The following PDXDC1 variants were observed in gnomAD, a reference collection of about 807,000 sequenced individuals.
PDXDC1 encodes pyridoxal dependent decarboxylase domain containing 1.
In PDXDC1, 42 loss-of-function variants were observed where a neutral mutation model predicts 100.1. That is an observed-to-expected ratio of 0.42 (90% CI 0.33 to 0.54). The LOEUF (loss-of-function observed/expected upper bound fraction) is 0.54. Ranked by LOEUF, PDXDC1 falls within the 20% of genes least tolerant of loss-of-function variation. PDXDC1 has a pLI of 0.10. For synonymous variants in PDXDC1, 260 were observed against 371.7 expected, an observed-to-expected ratio of 0.70 and a Z score of 3.46; for missense variants, 636 against 979.2, an observed-to-expected ratio of 0.65 and a Z score of 4.68.
chr16:15,008,930 C>T (rs2041028304), intron 7 of PDXDC1, 83 bp downstream of exon 7: 1 of 1,326,174 alleles, frequency 7.5e-7, no homozygotes. Flanking sequence ...TTGCTGGCCT[C>T]CAGATAATTA....
chr16:15,122,243 T>G (rs558980556), intron 16 of PDXDC1, among the ~76,000 whole-genome samples: 2 of 151,434 alleles, frequency 1.3e-5, no homozygotes, highest in Admixed American at 6.6e-5. Flanking sequence ...TTGGTCCGTT[T>G]TGTTTGTTAG....
intron 16 of PDXDC1, chr16:15,104,901 G>C (rs1598092440): frequency 6.5e-7 from 1 of 1,533,904 alleles, no homozygotes; most frequent in Non-Finnish European, 8.7e-7. Context: ...AGCAGTATCA[G>C]TGTCATATCA....
intron 16 of PDXDC1, among the ~76,000 whole-genome samples, chr16:15,119,408 A>ATTTT (rs1203506902): frequency 2.1e-5 from 3 of 139,582 alleles, no homozygotes; most frequent in Non-Finnish European, 4.7e-5. Context: ...AAAAAAAAAA[A>ATTTT]TTTTTTTTGT....
At chr16:14,997,018 A>G (rs1218755551) in intron 1 of PDXDC1, among the ~76,000 whole-genome samples, 2 of 152,158 alleles carry the variant, frequency 1.3e-5, no homozygotes, top group South Asian at 4.1e-4. Flanking sequence ...GGCTGTGTAC[A>G]ATGGCCAGGC....
At chr16:15,009,162 G>A (rs1032675215) in intron 7 of PDXDC1, 5 of 422,330 alleles carry the variant, frequency 1.2e-5, no homozygotes, top group Non-Finnish European at 1.6e-5. Context: ...TAGCACTGTT[G>A]CCTGGATTTA....
intron 16 of PDXDC1, among the ~76,000 whole-genome samples, chr16:15,055,187 T>G (rs1013050427): frequency 1.3e-5 from 2 of 152,040 alleles, no homozygotes; most frequent in Non-Finnish European, 1.5e-5. Context: ...CACGCCCCGC[T>G]CTTTTTAAAA....
At chr16:14,999,281 G>A (rs532187175) in intron 3 of PDXDC1, among the ~76,000 whole-genome samples, 7 of 152,388 alleles carry the variant, frequency 4.6e-5, no homozygotes, top group East Asian at 1.9e-4. Flanking sequence ...TGGCCAGGAC[G>A]GTCTCCATCT....
At chr16:14,989,794 C>G (rs1970303375) in intron 1 of PDXDC1, 1 of 1,542,718 alleles carries the variant, frequency 6.5e-7, no homozygotes. Flanking sequence ...ACGAAGGGCA[C>G]AAAGTCCGGC....
chr16:15,047,003 G>A lies in PDXDC1; in HGVS notation c.1399+16947G>A, dbSNP rs140840687. Among the ~76,000 whole-genome samples, 1,164 of 152,106 alleles carry A rather than the reference G, an allele frequency of 7.7e-3. 5 individuals carry two copies. The highest frequency in any genetic ancestry group is 0.034 in the Middle Eastern group (10 of 292). On this transcript the variant is annotated intron_variant, in intron 16 of 16. Transcript: ENST00000535621. ...CACCCCATCTTGTGTACAGTCTCTC[G>A]GCTTCGGAATACAAACACCTTGGGC...
At chr16:15,135,903 G>C in intron 16 of PDXDC1, 1 of 1,581,248 alleles carries the variant, frequency 6.3e-7, no homozygotes, top group Non-Finnish European at 8.6e-7. Context: ...GGCAGCGCCA[G>C]CCGCGGCAGC....
intron 19 of PDXDC1, 43 bp from the exon 20 acceptor site, chr16:15,034,243 T>G: frequency 6.4e-7 from 1 of 1,570,940 alleles, no homozygotes; most frequent in Non-Finnish European, 8.7e-7. Flanking sequence ...GGGCCCCAGG[T>G]GAGAACCTTA....
chr16:14,977,078 T>C (rs1399563386), intron 1 of PDXDC1, among the ~76,000 whole-genome samples: 1 of 152,282 alleles, frequency 6.6e-6, no homozygotes, highest in East Asian at 1.9e-4. Flanking sequence ...TAAGTGTTAA[T>C]TGATGATAAA....
At chr16:15,125,232 G>A (rs2047644293) in intron 16 of PDXDC1, 1 of 577,786 alleles carries the variant, frequency 1.7e-6, no homozygotes, top group East Asian at 2.8e-5. Context: ...CCAGTAAGTG[G>A]GGGTTGTGCC....
chr16:15,042,482 G>A (rs1047958227), downstream of PDXDC1, among the ~76,000 whole-genome samples: 1 of 152,038 alleles, frequency 6.6e-6, no homozygotes, highest in African/African-American at 2.4e-5. Context: ...GAGCCACTGC[G>A]CCCAGTCGAC....
rs1419407989 is a variant in PDXDC1, at chr16:15,083,664, C to T, written c.1399+53608C>T. 2.6e-6 allele frequency: 4 copies of T among 1,567,360 alleles called. No homozygotes were observed. The Admixed American group carries it at 5.6e-5, about 22-fold the overall frequency. On this transcript the variant is annotated intron_variant, in intron 16 of 16. Coordinates refer to the PDXDC1 transcript ENST00000535621. Reference sequence around the variant, plus strand: ...AAAAGGAAAACTACCATTCTAAAAGCAAATATTGATAGACATAGGAGGCAA... The same window carrying T: ...AAAAGGAAAACTACCATTCTAAAAGTAAATATTGATAGACATAGGAGGCAA...
intron 1 of PDXDC1, among the ~76,000 whole-genome samples, chr16:14,985,502 A>T (rs1212210514): frequency 6.6e-6 from 1 of 151,732 alleles, no homozygotes; most frequent in South Asian, 2.1e-4. Flanking sequence ...GTTAGCCAGG[A>T]TGGTCTCCAT....
chr16:15,034,704 G>A (rs1362868796), intron 21 of PDXDC1, 151 bp downstream of exon 21: 2 of 665,018 alleles, frequency 3.0e-6, no homozygotes, highest in Non-Finnish European at 5.3e-6. Flanking sequence ...GACAAGTTCT[G>A]GTGTGCCCTG....
intron 16 of PDXDC1, chr16:15,131,261 G>T: frequency 6.3e-7 from 1 of 1,588,034 alleles, no homozygotes; most frequent in Non-Finnish European, 8.5e-7. Flanking sequence ...GTGATGGCGC[G>T]CTCTGAGGCC....
chr16:15,137,591 C>T (rs1452123726), intron 16 of PDXDC1: 3 of 1,347,164 alleles, frequency 2.2e-6, no homozygotes, highest in African/African-American at 2.9e-5. Context: ...TGGCTCCACC[C>T]CACACACCCC....
Sources: allele counts gnomAD v4.1 joint callset (sites outside exome capture counted in the v4.1 genomes callset), GRCh38; gene constraint gnomAD v4.1.1; transcripts MANE v1.5; gene names NCBI Gene and HGNC (gene_info 2026-07-23, HGNC 2026-07-21).